Variants in ACE observed in about 807,000 individuals in gnomAD.
ACE encodes the protein angiotensin-converting enzyme.
Under a neutral mutation model 162.3 loss-of-function variants are expected in ACE, and 122 were observed. The ratio of observed to expected loss-of-function variants is 0.75; its 90% CI spans 0.65 to 0.87. The LOEUF (loss-of-function observed/expected upper bound fraction) is 0.87, where lower values mean the gene tolerates loss of function less well. ACE is among the 40% of genes least tolerant of loss of function. ACE has a pLI of 0.00. For missense variants in ACE, 1,799 were observed against 1,735.1 expected (o/e 1.04, Z -0.65); for synonymous variants, 796 against 720.6 (o/e 1.10, Z -1.68).
In ACE at chr17:63,493,922, A is replaced by G; in HGVS notation, c.3137A>G (p.Glu1046Gly). The G allele has an allele frequency of 6.2e-7, 1 of 1,614,086 alleles. No homozygotes were observed. The highest frequency in any genetic ancestry group is 1.1e-5 in the South Asian group (1 of 91,060). Reference sequence around the variant, plus strand: ...ACAGCTGGGCTCCCTTCCCTTGCAGAGCATGACATCAACTTTCTGATGAAG... The same window carrying G: ...ACAGCTGGGCTCCCTTCCCTTGCAGGGCATGACATCAACTTTCTGATGAAG... Reference protein sequence around the residue: ...NLLSSEGGSDEHDINFLMKMA... With the variant: ...NLLSSEGGSDGHDINFLMKMA... Residue 1046 changes from glutamate (E) to glycine (G), a missense_variant and splice_region_variant, in exon 21 of 25, where the codon GAG becomes GGG. By Grantham distance (98) the Glu-to-Gly change is moderately conservative. Transcript: ENST00000290866.
At chr17:63,483,596 C>T (rs2147536272) in intron 10 of ACE, 38 bp downstream of exon 10, 1 of 1,383,992 alleles carries the variant, frequency 7.2e-7, no homozygotes, top group South Asian at 1.3e-5. Flanking sequence ...CCAGTACTGT[C>T]ACACCCTCAA....
chr17:63,483,205 A>G lies in ACE; in HGVS notation c.1487+32A>G, dbSNP rs781099564. ...GGAGGGATAGAAAAGCCTTCGCCCC[A>G]GCTAGCCCTCCCCAGCCTCCTGGAC... is the stretch of plus-strand genomic sequence containing the variant. On this transcript the variant is annotated intron_variant, in intron 9 of 24. Coordinates refer to ENST00000290866, the MANE Select transcript of ACE (RefSeq NM_000789.4). The G allele has an allele frequency of 5.6e-5, 91 of 1,612,222 alleles. No individual in the cohort carries two copies. The Middle Eastern group carries it at 7.1e-3, about 125-fold the overall frequency.
Position 63,489,043 on chromosome 17 carries a change from A to G in ACE, c.2552A>G (p.Asn851Ser). The change falls in exon 17 of 25, where the codon AAC becomes AGC. Residue 851 changes from asparagine to serine, a missense_variant. By Grantham distance (46) the Asn-to-Ser change is conservative. Coordinates refer to ENST00000290866, the MANE Select transcript of ACE (RefSeq NM_000789.4). ...LFQELQPLYL[N>S]LHAYVRRALH... ...CAGGAGCTGCAGCCACTCTACCTCA[A>G]CCTGCATGCCTACGTGCGCCGGGCC... 28 of 1,614,148 alleles carry G rather than the reference A, an allele frequency of 1.7e-5. No individual in the cohort carries two copies. The highest frequency in any genetic ancestry group is 2.4e-5 in the Non-Finnish European group (28 of 1,180,032).
intron 23 of ACE, 96 bp downstream of exon 23, chr17:63,496,612 C>A: frequency 6.2e-7 from 1 of 1,606,016 alleles, no homozygotes; most frequent in Non-Finnish European, 8.5e-7. Flanking sequence ...GGAACACTTG[C>A]CATTTTGAGC....
rs764377417 is a variant in ACE at position 63,479,750 on chromosome 17, C to G, written c.512-19C>G. ...CAACGTGGAGGCCTCCTCACCGACCCTGCCTGCCTGTGTCTCAGATCTCAC... is the reference window on the plus strand; with the variant it reads ...CAACGTGGAGGCCTCCTCACCGACCGTGCCTGCCTGTGTCTCAGATCTCAC... On this transcript the variant is annotated intron_variant, in intron 3 of 24. Transcript: ENST00000290866. 5.0e-6 allele frequency: 8 copies of G among 1,612,742 alleles called. No homozygotes were observed. The highest frequency in any genetic ancestry group is 2.2e-5 in the South Asian group (2 of 91,084).
chr17:63,494,803 T>C (rs976116961), intron 22 of ACE, among the ~76,000 whole-genome samples: 5 of 152,246 alleles, frequency 3.3e-5, no homozygotes, highest in African/African-American at 1.2e-4. Flanking sequence ...GTTTTGCTTT[T>C]AAAACAAGAC....
At chr17:63,482,838 C>G (rs974080974) in intron 8 of ACE, 149 bp downstream of exon 8, 13 of 1,083,994 alleles carry the variant, frequency 1.2e-5, no homozygotes, top group Non-Finnish European at 1.8e-5. Flanking sequence ...TAGAGCCTCA[C>G]GGTGCACACT....
At chr17:63,489,582 A>T (rs1286152340) in intron 17 of ACE, among the ~76,000 whole-genome samples, 1 of 152,198 alleles carries the variant, frequency 6.6e-6, no homozygotes, top group Non-Finnish European at 1.5e-5. Context: ...GGAACAAAGA[A>T]GAACCTGAGA....
At chr17:63,479,377 T>C (rs1388956456) in intron 3 of ACE, among the ~76,000 whole-genome samples, 2 of 152,052 alleles carry the variant, frequency 1.3e-5, no homozygotes, top group African/African-American at 4.8e-5. Context: ...GTTTCCCCTT[T>C]CGTGGGTCCT....
chr17:63,488,844 A>G (rs764550119), intron 16 of ACE, 53 bp downstream of exon 16: 454 of 1,613,750 alleles, frequency 2.8e-4, no homozygotes, highest in Non-Finnish European at 3.6e-4. Flanking sequence ...ATTTTCCTCA[A>G]AGAGGTGCTG....
At chr17:63,492,918 G>C (rs949134804) in intron 19 of ACE, among the ~76,000 whole-genome samples, 1 of 152,210 alleles carries the variant, frequency 6.6e-6, no homozygotes, top group Non-Finnish European at 1.5e-5. Flanking sequence ...GAACCTTCTG[G>C]TTTGGGCAGC....
At chr17:63,487,643 C>A (rs542054034) in intron 15 of ACE, among the ~76,000 whole-genome samples, 1 of 152,318 alleles carries the variant, frequency 6.6e-6, no homozygotes, top group Non-Finnish European at 1.5e-5. Context: ...TTTCTCCCCA[C>A]TGGCTGGTCC....
intron 19 of ACE, among the ~76,000 whole-genome samples, chr17:63,493,028 G>C (rs2030484311): frequency 6.6e-6 from 1 of 152,174 alleles, no homozygotes; most frequent in Non-Finnish European, 1.5e-5. Context: ...TCTCACCCCT[G>C]ACAGAAACAG....
Position 63,477,066 on chromosome 17 carries a change from G to T in ACE, c.-29G>T, listed in dbSNP as rs1488804636. 8.8e-5 allele frequency: 112 copies of T among 1,270,132 alleles called. No homozygotes were observed. Among genetic ancestry groups the T allele is most frequent in the Non-Finnish European group, 1.0e-4 (104 of 1,013,806 alleles). The allele number at this position is 1,270,132 out of a possible 1,614,324, so 78.7% of individuals were successfully genotyped here. On this transcript the variant is annotated 5_prime_UTR_variant, in exon 1 of 25. Transcript: ENST00000290866. ...CAGGGCGGCCGCGGCGCAGGAGAAG[G>T]GGCAGAGCCGAGCACCGCGCACCGC...
At chr17:63,488,559 T>C in intron 15 of ACE, 89 bp from the exon 16 acceptor site, 10 of 1,416,484 alleles carry the variant, frequency 7.1e-6, no homozygotes, top group African/African-American at 1.9e-5. Context: ...GTTTCGCCAA[T>C]TTTATTCCAG....
At position 63,497,644 on chromosome 17, in the gene ACE, G is replaced by A. The variant is rs1372569402; in HGVS notation, c.*278G>A. 6.2e-6 allele frequency: 4 copies of A among 647,926 alleles called. No individual in the cohort carries two copies. The highest frequency in any genetic ancestry group is 1.1e-5 in the Non-Finnish European group (4 of 351,710). 40.1% of individuals were successfully genotyped at this position (647,926 alleles called of 1,614,324 possible). A position where few individuals can be genotyped will look rare whatever the true frequency, so the allele number is the denominator to read the frequency against. On this transcript the variant is annotated 3_prime_UTR_variant, in exon 25 of 25. Coordinates refer to ENST00000290866, the MANE Select transcript of ACE (RefSeq NM_000789.4). ...CATCTGAGTCTGTGTCCCTCACAGG[G>A]AAGCCAGGGACAGGGACAGGCTGCT...
chr17:63,493,536 G>T lies in ACE; in HGVS notation c.3013G>T (p.Ala1005Ser). ...YFMQYKDLPV[A>S]LREGANPGFH... ...CATGCAGTACAAAGACTTACCTGTG[G>T]CCTTGAGGGAGGGTGCCAACCCCGG... The change falls in exon 20 of 25, where the codon GCC becomes TCC. Residue 1005 changes from alanine to serine, a missense_variant. By Grantham distance (99) the Ala-to-Ser change is moderately conservative (BLOSUM62 1). Transcript: ENST00000290866. 1.9e-6 allele frequency: 3 copies of T among 1,614,138 alleles called. No homozygotes were observed. The highest frequency in any genetic ancestry group is 2.5e-6 in the Non-Finnish European group (3 of 1,180,052).
chr17:63,494,292 A>G (rs762811486), intron 21 of ACE, 80 bp from the exon 22 acceptor site: 64 of 1,384,678 alleles, frequency 4.6e-5, no homozygotes, highest in Non-Finnish European at 6.4e-5. Context: ...AAGTGCAGGG[A>G]CCCTCCCTCA....
chr17:63,481,028 A>G (rs1415757247), intron 5 of ACE, 63 bp from the exon 6 acceptor site: 5 of 1,519,916 alleles, frequency 3.3e-6, no homozygotes, highest in South Asian at 1.1e-5. Context: ...CCACTCAGCG[A>G]TGCATGAAGA....
Sources: gnomAD v4.1 joint callset for allele counts (sites outside exome capture counted in the v4.1 genomes callset) on GRCh38, gnomAD v4.1.1 for gene constraint, MANE v1.5 for transcripts, NCBI Gene and HGNC (gene_info 2026-07-23, HGNC 2026-07-21) for gene names.